The following TENM4 variants were observed in gnomAD, a reference collection of about 807,000 sequenced individuals.
TENM4 encodes the protein teneurin transmembrane protein 4, also known as teneurin-4.
TENM4 carries 82 observed loss-of-function variants against 243.3 expected under a neutral mutation model. That is an observed-to-expected ratio of 0.34 (90% confidence interval 0.28 to 0.40). TENM4 has a LOEUF of 0.40. Among genes scored for constraint, TENM4 ranks in the 10% least tolerant of loss-of-function variants. The probability of loss-of-function intolerance (pLI) is 1.00; values close to 1 mark genes in which losing one functional copy is unlikely to be tolerated. For synonymous variants in TENM4, 1,412 were observed against 1,456.3 expected (o/e 0.97, Z 0.69); for missense variants, 3,138 against 3,673.3 (o/e 0.85, Z 3.77).
At position 78,670,523 on chromosome 11, in the gene TENM4, C is replaced by T. The variant is rs1477177653; in HGVS notation, c.5822G>A (p.Arg1941Lys). 3 of 1,611,088 alleles carry T rather than the reference C, an allele frequency of 1.9e-6. No individual in the cohort carries two copies. The highest frequency in any genetic ancestry group is 1.1e-5 in the South Asian group (1 of 90,600). Residue 1941 changes from arginine (R) to lysine (K), a missense_variant, in exon 32 of 34, where the codon AGG (arginine) becomes AAG (lysine). Physicochemically the swap from Arg to Lys is conservative, Grantham distance 26. Around this residue, in one of 2 missense-constraint regions of TENM4, gnomAD observed 2,467 missense variants for 3,059.1 expected, o/e 0.81. Coordinates refer to ENST00000278550, the MANE Select transcript of TENM4 (RefSeq NM_001098816.3). ...CTTGTCGAACTCAAAGATATACTGC[C>T]TCTGGCTGTGTAGTAGCAGCACCAT... ...KSMVLLLHSQ[R>K]QYIFEFDKND...
At chr11:79,089,551 C>T (rs1466338620) in intron 4 of TENM4, among the ~76,000 whole-genome samples, 1 of 152,186 alleles carries the variant, frequency 6.6e-6, no homozygotes, top group African/African-American at 2.4e-5. Flanking sequence ...ATGATGTACA[C>T]AGCACTGCCA....
At chr11:78,841,943 C>G (rs536851197) in intron 12 of TENM4, among the ~76,000 whole-genome samples, 1 of 152,264 alleles carries the variant, frequency 6.6e-6, no homozygotes, top group South Asian at 2.1e-4. Context: ...TAAGTTTTCT[C>G]TACTTTTTCC....
At chr11:78,969,625 T>C (rs548252784) in intron 6 of TENM4, among the ~76,000 whole-genome samples, 7 of 152,372 alleles carry the variant, frequency 4.6e-5, no homozygotes, top group Admixed American at 3.3e-4. Context: ...TGGAATCTTA[T>C]TGGTCTATGA....
At chr11:79,099,149 T>C (rs948761) in intron 4 of TENM4, among the ~76,000 whole-genome samples, 124,927 of 152,068 alleles carry the variant, frequency 0.82, 52,109 homozygotes, top group Middle Eastern at 0.98. Context: ...TTGGAGGAGC[T>C]CCGTTCCTTA....
chr11:78,981,601 T>C lies in TENM4; in HGVS notation c.494-78078A>G, dbSNP rs372201782. The stretch of plus-strand genomic sequence containing the variant: ...TGGGGGTTCCCTGGACGGGGAATCA[T>C]CCGGACACAATGCCTGGGACTGTAG... On this transcript the variant is annotated intron_variant, in intron 6 of 33. Transcript: ENST00000278550. 1.9e-4 allele frequency among the ~76,000 whole-genome samples: 29 copies of C among 152,282 alleles called. No homozygotes were observed. The South Asian group carries it at 5.2e-3, about 27-fold the overall frequency.
At chr11:79,043,753 G>C (rs1387703551) in intron 6 of TENM4, among the ~76,000 whole-genome samples, 2 of 152,152 alleles carry the variant, frequency 1.3e-5, no homozygotes, top group Admixed American at 1.3e-4. Flanking sequence ...CTAGAAAAAT[G>C]AACATGAGAT....
chr11:78,761,237 T>C (rs1856424211), intron 18 of TENM4, among the ~76,000 whole-genome samples: 1 of 152,070 alleles, frequency 6.6e-6, no homozygotes, highest in South Asian at 2.1e-4. Context: ...GTTTTCTTTT[T>C]TTTCTTTTTC....
intron 1 of TENM4, among the ~76,000 whole-genome samples, chr11:79,382,099 G>A (rs867101302): frequency 2.1e-4 from 32 of 152,156 alleles, no homozygotes; most frequent in African/African-American, 7.2e-4. Flanking sequence ...ACAATTTTCC[G>A]AAGGAGAAAA....
chr11:79,070,001 C>T lies in TENM4; in HGVS notation c.-57G>A. The stretch of plus-strand genomic sequence containing the variant: ...AACAGGGTCCTCGCCGCACTCAGGG[C>T]CGAGTGGTCTAGAGCCAGGGAAACC... On this transcript the variant is annotated 5_prime_UTR_variant, in exon 5 of 34. Transcript: ENST00000278550. 6.6e-7 allele frequency: 1 copy of T among 1,524,544 alleles called. No individual in the cohort carries two copies. Among genetic ancestry groups the T allele is most frequent in the Non-Finnish European group, 8.8e-7 (1 of 1,138,602 alleles). 94.4% of individuals were successfully genotyped at this position (1,524,544 alleles called of 1,614,324 possible).
chr11:79,046,378 T>A (rs1204606992), intron 6 of TENM4, among the ~76,000 whole-genome samples: 1 of 151,496 alleles, frequency 6.6e-6, no homozygotes, highest in African/African-American at 2.4e-5. Context: ...GGGTGGGGAG[T>A]TAAAAGAGCC....
chr11:78,942,073 A>T (rs890202859), intron 6 of TENM4, among the ~76,000 whole-genome samples: 1 of 150,352 alleles, frequency 6.7e-6, no homozygotes, highest in African/African-American at 2.5e-5. Context: ...TGGGCCACAC[A>T]TAAAATACAT....
intron 4 of TENM4, among the ~76,000 whole-genome samples, chr11:79,092,441 G>T (rs141176844): frequency 3.6e-4 from 55 of 152,318 alleles, no homozygotes; most frequent in African/African-American, 1.2e-3. Context: ...GTTCTCGGGA[G>T]ACTGCGTCAT....
chr11:79,268,184 C>T (rs968998634), intron 2 of TENM4, among the ~76,000 whole-genome samples: 2 of 152,206 alleles, frequency 1.3e-5, no homozygotes, highest in African/African-American at 4.8e-5. Context: ...CAGGAGTCAA[C>T]AAACTTTTCC....
intron 4 of TENM4, among the ~76,000 whole-genome samples, chr11:79,121,184 TTTACATAGGCTTTCTTG>T (rs1861738377): frequency 6.8e-5 from 1 of 14,684 alleles, no homozygotes; most frequent in East Asian, 9.8e-4. Context: ...AGTTTTCTTG[TTTACATAGGCTTTCTTG>T]TTTACATAGG....
chr11:79,225,095 T>C (rs2135247341), intron 2 of TENM4, among the ~76,000 whole-genome samples: 1 of 152,294 alleles, frequency 6.6e-6, no homozygotes, highest in East Asian at 1.9e-4. Flanking sequence ...CCCTGGCACC[T>C]TCAGAGGAGC....
intron 12 of TENM4, among the ~76,000 whole-genome samples, chr11:78,850,664 G>C (rs1027009027): frequency 3.3e-5 from 5 of 152,196 alleles, no homozygotes; most frequent in African/African-American, 1.2e-4. Context: ...AAGGGACACA[G>C]ACAGGTCAGA....
intron 3 of TENM4, among the ~76,000 whole-genome samples, chr11:79,212,385 C>G (rs1863970967): frequency 6.6e-6 from 1 of 152,224 alleles, no homozygotes; most frequent in African/African-American, 2.4e-5. Flanking sequence ...CCAGGAACCC[C>G]TGTTTCTGAG....
At chr11:79,285,736 T>C (rs773909103) in intron 2 of TENM4, among the ~76,000 whole-genome samples, 10 of 151,262 alleles carry the variant, frequency 6.6e-5, no homozygotes, top group African/African-American at 1.2e-4. Context: ...CTTGAAGACA[T>C]TATGCTAAGT....
At chr11:78,919,122 A>G (rs537810999) in intron 6 of TENM4, among the ~76,000 whole-genome samples, 65 of 152,354 alleles carry the variant, frequency 4.3e-4, no homozygotes, top group South Asian at 2.3e-3. Flanking sequence ...TGTATTCACT[A>G]TGTCTACAGT....
Sources: gnomAD v4.1 joint callset for allele counts (sites outside exome capture counted in the v4.1 genomes callset) on GRCh38, gnomAD v4.1.1 for gene constraint, gnomAD v4.1.1 regional missense constraint, MANE v1.5 for transcripts, NCBI Gene and HGNC (gene_info 2026-07-23, HGNC 2026-07-21) for gene names.